The following FBXO31 variants were observed in gnomAD, a reference collection of about 807,000 sequenced individuals.
FBXO31 encodes F-box only protein 31.
In FBXO31, 24 loss-of-function variants were observed where a neutral mutation model predicts 54.4. The ratio of observed to expected loss-of-function variants is 0.44; its 90% CI spans 0.32 to 0.62. The LOEUF (loss-of-function observed/expected upper bound fraction) is 0.62. Ranked by LOEUF, FBXO31 falls within the 20% of genes least tolerant of loss-of-function variation. The probability of loss-of-function intolerance (pLI) is 0.05; values close to 1 mark genes in which losing one functional copy is unlikely to be tolerated. For synonymous variants in FBXO31, 388 were observed against 335.6 expected, an observed-to-expected ratio of 1.16 and a Z score of -1.71; for missense variants, 665 against 787.1, an observed-to-expected ratio of 0.84 and a Z score of 1.86.
intron 2 of FBXO31, among the ~76,000 whole-genome samples, chr16:87,348,403 T>C (rs1006136985): frequency 4.6e-5 from 7 of 152,114 alleles, no homozygotes; most frequent in Non-Finnish European, 8.8e-5. Flanking sequence ...GCCTTACCCA[T>C]CAAGAGAAAG....
intron 2 of FBXO31, among the ~76,000 whole-genome samples, chr16:87,351,524 G>A (rs977368263): frequency 6.6e-6 from 1 of 152,114 alleles, no homozygotes; most frequent in South Asian, 2.1e-4. Context: ...AGGCCACTTC[G>A]AGGGCTCACT....
chr16:87,390,848 T>C (rs1335233357), upstream of FBXO31, among the ~76,000 whole-genome samples: 1 of 152,146 alleles, frequency 6.6e-6, no homozygotes, highest in Admixed American at 6.5e-5. Context: ...CCTCCCAGCC[T>C]CTGCCTCCCT....
chr16:87,347,065 C>T lies in FBXO31; in HGVS notation c.489+109G>A, dbSNP rs139546416. On this transcript the variant is annotated intron_variant, in intron 3 of 8. Coordinates refer to ENST00000311635, the MANE Select transcript of FBXO31 (RefSeq NM_024735.5). ...AGAATTTTTTGGTAATTACCTCAAA[C>T]GCACATCTGGGCCAGCTTGTACCCA... The T allele has an allele frequency of 3.8e-4, 367 of 970,298 alleles. 1 individual carries two copies. In the African/African-American group the frequency reaches 4.8e-3, roughly 13 times the overall value. The allele number at this position is 970,298 out of a possible 1,614,324, so 60.1% of individuals were successfully genotyped here. A position where few individuals can be genotyped will look rare whatever the true frequency, so the allele number is the denominator to read the frequency against.
chr16:87,373,005 G>C (rs1906667410), intron 1 of FBXO31, among the ~76,000 whole-genome samples: 1 of 148,438 alleles, frequency 6.7e-6, no homozygotes, highest in Non-Finnish European at 1.5e-5. Context: ...AAAGTGCTGG[G>C]ATTACAGGCG....
rs1233516332 is a variant in FBXO31, at chr16:87,338,561, C to A, written c.733-2297G>T. Among the ~76,000 whole-genome samples the A allele has an allele frequency of 6.6e-6, 1 of 152,132 alleles. No homozygotes were observed. Among genetic ancestry groups the A allele is most frequent in the East Asian group, 1.9e-4 (1 of 5,188 alleles). Reference sequence around the variant, plus strand: ...ACAGAAAAGGCCAGGTCTGGGTGGGCCCGAGCGTCCCATTTCTCACAAGGA... The same window carrying A: ...ACAGAAAAGGCCAGGTCTGGGTGGGACCGAGCGTCCCATTTCTCACAAGGA... On this transcript the variant is annotated intron_variant, in intron 5 of 8. Coordinates refer to ENST00000311635, the MANE Select transcript of FBXO31 (RefSeq NM_024735.5). This position sits in a 1 kb window ranked among gnomAD's most constrained non-coding sequence, Gnocchi z 4.3.
chr16:87,363,902 G>A (rs767458309), intron 1 of FBXO31, among the ~76,000 whole-genome samples: 8 of 152,118 alleles, frequency 5.3e-5, no homozygotes, highest in East Asian at 1.9e-4. Context: ...TCCCCCTTCC[G>A]AGCTCTCAAC....
At chr16:87,339,356 T>C (rs372215760) in intron 5 of FBXO31, among the ~76,000 whole-genome samples, 10 of 152,262 alleles carry the variant, frequency 6.6e-5, no homozygotes, top group African/African-American at 2.4e-4. Context: ...TCCCAGCTGA[T>C]GCATGAATCC....
Position 87,338,977 on chromosome 16 carries a change from G to A in FBXO31, c.733-2713C>T, listed in dbSNP as rs1008522885. Among the ~76,000 whole-genome samples, 82 of 152,204 alleles carry A rather than the reference G, an allele frequency of 5.4e-4. No homozygotes were observed. The highest frequency in any genetic ancestry group is 1.8e-3 in the African/African-American group (76 of 41,446). ...AGATGCAATGGTTTTATAAAGGGGA[G>A]TTCCCCTGCACAAGTTCTCTCTTTT... is the stretch of plus-strand genomic sequence containing the variant. On this transcript the variant is annotated intron_variant, in intron 5 of 8. Coordinates refer to ENST00000311635, the MANE Select transcript of FBXO31 (RefSeq NM_024735.5). This position sits in a 1 kb window ranked among gnomAD's most constrained non-coding sequence, Gnocchi z 4.3.
chr16:87,383,296 A>C lies in FBXO31; in HGVS notation c.340+109T>G. On this transcript the variant is annotated intron_variant, in intron 1 of 8. Coordinates refer to ENST00000311635, the MANE Select transcript of FBXO31 (RefSeq NM_024735.5). This position sits in a 1 kb window ranked among gnomAD's most constrained non-coding sequence, Gnocchi z 4.9. ...CACCACATCGCCGGGCCCCGCGCCCAACTGGTGGCCCCCGGCCGGGGCCAC... is the reference window on the plus strand; with the variant it reads ...CACCACATCGCCGGGCCCCGCGCCCCACTGGTGGCCCCCGGCCGGGGCCAC... The C allele has an allele frequency of 2.3e-5, 24 of 1,047,300 alleles. No homozygotes were observed. Among genetic ancestry groups the C allele is most frequent in the East Asian group, 3.1e-5 (1 of 31,978 alleles). 64.9% of individuals were successfully genotyped at this position (1,047,300 alleles called of 1,614,324 possible).
At chr16:87,359,883 A>C (rs999641673) in intron 2 of FBXO31, among the ~76,000 whole-genome samples, 1 of 152,174 alleles carries the variant, frequency 6.6e-6, no homozygotes, top group African/African-American at 2.4e-5. Context: ...GGAGAACTCT[A>C]GCAGGGGGGC....
intron 3 of FBXO31, among the ~76,000 whole-genome samples, chr16:87,344,533 A>G (rs1403864364): frequency 6.6e-6 from 1 of 152,178 alleles, no homozygotes; most frequent in Admixed American, 6.5e-5. Context: ...AACCAAGGAG[A>G]GAATTCCATC....
intron 1 of FBXO31, chr16:87,362,662 G>C (rs978858059): frequency 1.3e-4 from 20 of 152,456 alleles, no homozygotes; most frequent in African/African-American, 4.8e-4. Flanking sequence ...CCAGGTTCAA[G>C]CGATTCTCCT....
At chr16:87,380,386 G>A (rs954304869) in intron 1 of FBXO31, among the ~76,000 whole-genome samples, 1 of 151,904 alleles carries the variant, frequency 6.6e-6, no homozygotes, top group Non-Finnish European at 1.5e-5. Flanking sequence ...AAATATGCCT[G>A]GTTCATCATT....
Position 87,335,337 on chromosome 16 carries a change from G to T in FBXO31, c.963C>A (p.Phe321Leu). Residue 321 changes from phenylalanine (F) to leucine (L), a missense_variant, in exon 7 of 9, where the codon TTC (phenylalanine) becomes TTA (leucine). Transcript: ENST00000311635. This position sits in a 1 kb window ranked among gnomAD's most constrained non-coding sequence, Gnocchi z 5.7. ...TGGTGCCCCTGGCACGCCGGCCGTG[G>T]AAGCTGAGCATCACAATCTCCAGGC... ...SHGLEIVMLS[F>L]HGRRARGTKI... is the part of the protein sequence containing the mutation. The T allele has an allele frequency of 1.2e-6, 2 of 1,613,998 alleles. No individual in the cohort carries two copies.
exon 1 of FBXO31, chr16:87,389,771 C>T (rs183462306): frequency 1.3e-5 from 2 of 152,230 alleles, no homozygotes; most frequent in East Asian, 3.9e-4. Context: ...GAATACAAAC[C>T]AACAGACTGT....
chr16:87,360,380 C>CA lies in FBXO31; in HGVS notation c.341-15dup. 1 of 1,613,434 alleles carries CA rather than the reference C, an allele frequency of 6.2e-7. No individual in the cohort carries two copies. Among genetic ancestry groups the CA allele is most frequent in the Non-Finnish European group, 8.5e-7 (1 of 1,179,590 alleles). On this transcript the variant is annotated splice_polypyrimidine_tract_variant and intron_variant, in intron 1 of 8. Transcript: ENST00000311635. ...AAACACCATACTCTGTAACAAGAAA[C>CA]ATTTGCAGAAATTTAAGATCAACAA... is the stretch of plus-strand genomic sequence containing the variant.
At position 87,336,650 on chromosome 16, in the gene FBXO31, CT is replaced by C. The variant is rs1905053958; in HGVS notation, c.733-387del. On this transcript the variant is annotated intron_variant, in intron 5 of 8. Transcript: ENST00000311635. This position sits in a 1 kb window ranked among gnomAD's most constrained non-coding sequence, Gnocchi z 6.5. ...ACTCTGGCCCTGCACAGCACAGCCC[CT>C]CAGCCTGCTTCTCTGGCTCCTGGGA... Among the ~76,000 whole-genome samples the C allele has an allele frequency of 6.6e-6, 1 of 152,160 alleles. No individual in the cohort carries two copies. The highest frequency in any genetic ancestry group is 2.4e-5 in the African/African-American group (1 of 41,440).
chr16:87,329,518 C>T lies in FBXO31; in HGVS notation c.*1770G>A, dbSNP rs766985670. On this transcript the variant is annotated 3_prime_UTR_variant, in exon 9 of 9. Coordinates refer to ENST00000311635, the MANE Select transcript of FBXO31 (RefSeq NM_024735.5). ...TCAAGGTGCCAGTCTACATGCCCAA[C>T]AGTCCTCCAGGCTTCAAGGCCACAG... 1 of 152,316 alleles carries T rather than the reference C, an allele frequency of 6.6e-6. No homozygotes were observed. Among genetic ancestry groups the T allele is most frequent in the Non-Finnish European group, 1.5e-5 (1 of 68,076 alleles). 9.4% of individuals were successfully genotyped at this position (152,316 alleles called of 1,614,324 possible).
At chr16:87,375,232 G>A (rs776611595) in intron 1 of FBXO31, among the ~76,000 whole-genome samples, 6 of 152,140 alleles carry the variant, frequency 3.9e-5, no homozygotes, top group African/African-American at 1.2e-4. Flanking sequence ...GCGTGAACCC[G>A]GGAGGCAGAG....
Sources: allele counts gnomAD v4.1 joint callset (sites outside exome capture counted in the v4.1 genomes callset), GRCh38; gene constraint gnomAD v4.1.1; non-coding constraint Gnocchi (gnomAD v3.1); transcripts MANE v1.5; gene names NCBI Gene and HGNC (gene_info 2026-07-23, HGNC 2026-07-21).